The following TAFA2 variants were observed in gnomAD, a reference collection of about 807,000 sequenced individuals.
TAFA2 encodes the protein TAFA chemokine like family member 2.
Under a neutral mutation model 18.8 loss-of-function variants are expected in TAFA2, and 7 were observed. That is an observed-to-expected ratio of 0.37 (90% CI 0.21 to 0.70). TAFA2 has a LOEUF of 0.70. TAFA2 is among the 30% of genes least tolerant of loss of function. The probability of loss-of-function intolerance (pLI) is 0.53; values close to 1 mark genes in which losing one functional copy is unlikely to be tolerated. For missense variants in TAFA2, 122 were observed against 158.1 expected (o/e 0.77, Z 1.23); for synonymous variants, 60 against 54.2 (o/e 1.11, Z -0.47).
chr12:62,113,601 T>C (rs1869830956), intron 1 of TAFA2, among the ~76,000 whole-genome samples: 1 of 152,184 alleles, frequency 6.6e-6, no homozygotes, highest in Non-Finnish European at 1.5e-5. Flanking sequence ...GAGCTGCCCC[T>C]TCCCCCAGGT....
intron 2 of TAFA2, among the ~76,000 whole-genome samples, chr12:61,846,991 ATTC>A (rs2121146261): frequency 6.6e-6 from 1 of 152,142 alleles, no homozygotes; most frequent in South Asian, 2.1e-4. Context: ...CAGGTTCCTC[ATTC>A]TTCTCTTAGC....
intron 1 of TAFA2, among the ~76,000 whole-genome samples, chr12:62,086,900 G>A (rs973377283): frequency 6.6e-6 from 1 of 152,050 alleles, no homozygotes; most frequent in Non-Finnish European, 1.5e-5. Context: ...TCCACTAACA[G>A]ATAAATGGAT....
chr12:61,979,737 T>C (rs1879563658), intron 1 of TAFA2, among the ~76,000 whole-genome samples: 1 of 151,962 alleles, frequency 6.6e-6, no homozygotes, highest in Middle Eastern at 3.2e-3. Flanking sequence ...GAAACAACAC[T>C]GCTGCCAAAA....
At chr12:61,983,159 A>G (rs1289465285) in intron 1 of TAFA2, among the ~76,000 whole-genome samples, 1 of 152,176 alleles carries the variant, frequency 6.6e-6, no homozygotes, top group African/African-American at 2.4e-5. Flanking sequence ...GGAATATGAC[A>G]TATTTTCTAT....
At chr12:61,861,004 G>T (rs1238339304) in intron 2 of TAFA2, among the ~76,000 whole-genome samples, 3 of 152,196 alleles carry the variant, frequency 2.0e-5, no homozygotes, top group African/African-American at 7.2e-5. Flanking sequence ...AGGCTGGAGT[G>T]CAGTGGTACA....
chr12:61,955,658 T>A (rs1565695258), intron 1 of TAFA2, among the ~76,000 whole-genome samples: 20 of 110,272 alleles, frequency 1.8e-4, no homozygotes, highest in Non-Finnish European at 3.1e-4. Context: ...TATATATATA[T>A]ATATATATAT....
chr12:61,815,534 G>T (rs1196680163), intron 2 of TAFA2, among the ~76,000 whole-genome samples: 2 of 150,928 alleles, frequency 1.3e-5, no homozygotes, highest in Admixed American at 6.6e-5. Flanking sequence ...ATGGTGGTGG[G>T]CACCTGTAGT....
At chr12:61,735,753 G>T (rs544320971) in intron 4 of TAFA2, among the ~76,000 whole-genome samples, 1 of 151,788 alleles carries the variant, frequency 6.6e-6, no homozygotes, top group Admixed American at 6.6e-5. Flanking sequence ...CAGCAGTTCT[G>T]CAGCTTAATA....
chr12:61,900,732 G>A (rs1415683221), intron 1 of TAFA2, among the ~76,000 whole-genome samples: 1 of 152,198 alleles, frequency 6.6e-6, no homozygotes, highest in South Asian at 2.1e-4. Context: ...TACAATTCAA[G>A]ATGAGATTTG....
At chr12:62,162,718 T>G (rs1272812944) in intron 1 of TAFA2, among the ~76,000 whole-genome samples, 4 of 152,180 alleles carry the variant, frequency 2.6e-5, no homozygotes, top group Non-Finnish European at 5.9e-5. Context: ...GATTCCCCAT[T>G]GATATCTGAT....
At chr12:61,851,474 A>G (rs1251244859) in intron 2 of TAFA2, among the ~76,000 whole-genome samples, 1 of 152,106 alleles carries the variant, frequency 6.6e-6, no homozygotes, top group Non-Finnish European at 1.5e-5. Context: ...CCATGTTACA[A>G]GTTTTAAATT....
chr12:62,158,653 C>G (rs1274561671), intron 1 of TAFA2, among the ~76,000 whole-genome samples: 6 of 152,208 alleles, frequency 3.9e-5, no homozygotes, highest in African/African-American at 1.4e-4. Flanking sequence ...TCCTACCCAG[C>G]CCAGTGATTG....
intron 1 of TAFA2, among the ~76,000 whole-genome samples, chr12:62,126,378 A>C (rs1031592657): frequency 6.6e-6 from 1 of 152,082 alleles, no homozygotes; most frequent in Non-Finnish European, 1.5e-5. Flanking sequence ...GCATTAACAT[A>C]TATTTCGTTC....
chr12:61,978,517 C>T (rs1294486018), intron 1 of TAFA2, among the ~76,000 whole-genome samples: 1 of 151,934 alleles, frequency 6.6e-6, no homozygotes, highest in South Asian at 2.1e-4. Flanking sequence ...CTACATCAGA[C>T]AGAAGTACCA....
intron 1 of TAFA2, among the ~76,000 whole-genome samples, chr12:62,134,538 G>A (rs944762662): frequency 6.6e-5 from 10 of 152,020 alleles, no homozygotes; most frequent in Non-Finnish European, 1.5e-4. Flanking sequence ...AAAAATGGTT[G>A]TTTAAGGCAC....
chr12:61,732,035 C>T (rs1201740593), intron 4 of TAFA2, among the ~76,000 whole-genome samples: 2 of 151,992 alleles, frequency 1.3e-5, no homozygotes, highest in African/African-American at 4.8e-5. Context: ...GTATTTTAGG[C>T]CCTGCCAAGA....
chr12:62,191,643 T>A lies in TAFA2; in HGVS notation c.-386A>T, dbSNP rs1191581123. On this transcript the variant is annotated 5_prime_UTR_variant, in exon 1 of 5. In the 5' UTR this introduces an upstream ATG that the reference lacks. Coordinates refer to ENST00000416284, the MANE Select transcript of TAFA2 (RefSeq NM_178539.5). ...AGGAAAAGCCAAAGTCCCGCAGCCC[T>A]TGGCAGCGCCCGCGGTCGCCTCCTG... 1 of 152,250 alleles carries A rather than the reference T, an allele frequency of 6.6e-6. No individual in the cohort carries two copies. 9.4% of individuals were successfully genotyped at this position (152,250 alleles called of 1,614,324 possible). A position where few individuals can be genotyped will look rare whatever the true frequency, so the allele number is the denominator to read the frequency against.
chr12:62,173,411 C>G (rs1211342326), intron 1 of TAFA2, among the ~76,000 whole-genome samples: 1 of 151,348 alleles, frequency 6.6e-6, no homozygotes, highest in Non-Finnish European at 1.5e-5. Context: ...GACTCCATCT[C>G]AAAAAGAAAA....
At chr12:62,256,754 G>A (rs563702062) in intron 1 of TAFA2, among the ~76,000 whole-genome samples, 1 of 152,224 alleles carries the variant, frequency 6.6e-6, no homozygotes, top group Non-Finnish European at 1.5e-5. Flanking sequence ...TTTCAAAAGT[G>A]CCTCGTGGCA....
Sources: allele counts gnomAD v4.1 joint callset (sites outside exome capture counted in the v4.1 genomes callset), GRCh38; gene constraint gnomAD v4.1.1; transcripts MANE v1.5; gene names NCBI Gene and HGNC (gene_info 2026-07-23, HGNC 2026-07-21).